The following VWF variants were observed in gnomAD, a reference collection of about 807,000 sequenced individuals.
VWF encodes the protein Factor VIII related antigen.
In VWF, 176 loss-of-function variants were observed where a neutral mutation model predicts 308.6. That is an observed-to-expected ratio of 0.57 (90% confidence interval 0.50 to 0.65). The LOEUF (loss-of-function observed/expected upper bound fraction) is 0.65. VWF is among the 30% of genes least tolerant of loss of function. VWF has a pLI of 0.00. For synonymous variants in VWF, 1,385 were observed against 1,443.4 expected (o/e 0.96, Z 0.92); for missense variants, 3,146 against 3,648.2 (o/e 0.86, Z 3.55).
At chr12:5,985,942 A>C (rs1943675892) in intron 38 of VWF, among the ~76,000 whole-genome samples, 1 of 152,184 alleles carries the variant, frequency 6.6e-6, no homozygotes, top group Admixed American at 6.5e-5. Context: ...AAGAAAGAAA[A>C]ATGAGAGTTC....
chr12:6,009,340 AT>A (rs1943966572), intron 34 of VWF, among the ~76,000 whole-genome samples: 1 of 152,104 alleles, frequency 6.6e-6, no homozygotes, highest in Non-Finnish European at 1.5e-5. Flanking sequence ...ATATGAAAAA[AT>A]ATCCAACATT....
intron 5 of VWF, 50 bp downstream of exon 5, chr12:6,110,324 A>G: frequency 6.3e-7 from 1 of 1,593,340 alleles, no homozygotes; most frequent in Non-Finnish European, 8.6e-7. Flanking sequence ...GAGCAAGGAA[A>G]TAAAAAGCAT....
chr12:6,041,747 G>A (rs1565840816), intron 18 of VWF, among the ~76,000 whole-genome samples: 1 of 152,142 alleles, frequency 6.6e-6, no homozygotes, highest in East Asian at 1.9e-4. Flanking sequence ...GCGCCCAGCT[G>A]AAAATATTTT....
In VWF at chr12:6,075,849, G is replaced by A. The variant is rs1944837021; in HGVS notation, c.658-298C>T. On this transcript the variant is annotated intron_variant, in intron 6 of 51. Transcript: ENST00000261405. This position sits in a 1 kb window ranked among gnomAD's most constrained non-coding sequence, Gnocchi z 4.7. ...GTGTCCTAGGAACGGACAGAGGATG[G>A]AGAGAAGCACAAAGAGCATGCGCCC... 6.6e-6 allele frequency among the ~76,000 whole-genome samples: 1 copy of A among 152,238 alleles called. No individual in the cohort carries two copies.
At chr12:5,993,532 G>A (rs1445424721) in intron 37 of VWF, among the ~76,000 whole-genome samples, 2 of 151,780 alleles carry the variant, frequency 1.3e-5, no homozygotes, top group African/African-American at 2.4e-5. Flanking sequence ...CATTAAAATC[G>A]CATTTGTCTG....
intron 18 of VWF, among the ~76,000 whole-genome samples, chr12:6,040,069 G>A (rs537479485): frequency 4.6e-5 from 7 of 152,250 alleles, no homozygotes; most frequent in South Asian, 2.1e-4. Context: ...GTCTCCTCCC[G>A]TGTGATAGAA....
At chr12:6,064,116 A>G (rs1163853533) in intron 12 of VWF, 130 bp downstream of exon 12, 1 of 1,486,850 alleles carries the variant, frequency 6.7e-7, no homozygotes, top group East Asian at 2.3e-5. Flanking sequence ...GCCCTCCAAA[A>G]ATAACTCTCC....
intron 47 of VWF, among the ~76,000 whole-genome samples, chr12:5,967,175 G>A (rs1186776606): frequency 6.6e-6 from 1 of 152,066 alleles, no homozygotes; most frequent in Non-Finnish European, 1.5e-5. Flanking sequence ...AAAGAACGGT[G>A]GTGCTGTTTC....
At position 5,974,252 on chromosome 12, in the gene VWF, G is replaced by A. The variant is rs188710083; in HGVS notation, c.7437+1859C>T. ...CACCTCACTCAACACAGTACAGATC[G>A]AAGCCCAGCCTCCCACGTCCCCTGA... On this transcript the variant is annotated intron_variant, in intron 43 of 51. Transcript: ENST00000261405. Among the ~76,000 whole-genome samples, 13 of 152,188 alleles carry A rather than the reference G, an allele frequency of 8.5e-5. No homozygotes were observed. The South Asian group carries it at 1.7e-3, about 19-fold the overall frequency.
chr12:6,113,202 C>G (rs1051751199), intron 3 of VWF, among the ~76,000 whole-genome samples: 1 of 151,964 alleles, frequency 6.6e-6, no homozygotes, highest in African/African-American at 2.4e-5. Flanking sequence ...ACAGTTTTTA[C>G]AGCAAGCAAA....
At chr12:6,123,085 T>C (rs1417463094) in intron 2 of VWF, 57 bp downstream of exon 2, 8 of 1,605,622 alleles carry the variant, frequency 5.0e-6, no homozygotes, top group East Asian at 4.5e-5. Context: ...CCCGGAAAGG[T>C]GTCACTCCAG....
intron 34 of VWF, among the ~76,000 whole-genome samples, chr12:6,010,899 T>C (rs1591857385): frequency 1.3e-5 from 2 of 152,234 alleles, no homozygotes; most frequent in East Asian, 3.8e-4. Flanking sequence ...AAAGTAACTA[T>C]AGAATTCTTT....
intron 3 of VWF, among the ~76,000 whole-genome samples, chr12:6,116,184 C>G (rs914630915): frequency 3.9e-5 from 6 of 152,166 alleles, no homozygotes; most frequent in Non-Finnish European, 8.8e-5. Context: ...TTCTATAACT[C>G]TTAGGAAAAG....
At chr12:6,061,870 T>C (rs1318055492) in intron 13 of VWF, among the ~76,000 whole-genome samples, 3 of 152,224 alleles carry the variant, frequency 2.0e-5, no homozygotes, top group South Asian at 2.1e-4. Context: ...TTGCAAAAGA[T>C]TGAATGCAGC....
intron 5 of VWF, among the ~76,000 whole-genome samples, chr12:6,106,279 A>G (rs906561312): frequency 6.6e-6 from 1 of 152,212 alleles, no homozygotes. Context: ...AAATTCTGAC[A>G]TACACCACAA....
intron 6 of VWF, among the ~76,000 whole-genome samples, chr12:6,092,632 T>TGAGAGAGAGAGA (rs1430723950): frequency 4.5e-5 from 3 of 66,014 alleles, no homozygotes; most frequent in Non-Finnish European, 5.7e-5. Context: ...TGTGTGTGTG[T>TGAGAGAGAGAGA]GTGTGTGTGT....
Position 5,967,483 on chromosome 12 carries a change from T to C in VWF, c.7887+3A>G. The C allele has an allele frequency of 1.2e-6, 2 of 1,614,024 alleles. No homozygotes were observed. The highest frequency in any genetic ancestry group is 1.7e-6 in the Non-Finnish European group (2 of 1,179,924). On this transcript the variant is annotated splice_donor_region_variant and intron_variant, in intron 47 of 51. Transcript: ENST00000261405. ...CCCTCGGTCCCCATTGAGCCTCTCT[T>C]ACCAGGGGGCAGGGGTTGCAGGTGG...
At chr12:6,094,935 G>A (rs755384918) in intron 6 of VWF, among the ~76,000 whole-genome samples, 41 of 147,688 alleles carry the variant, frequency 2.8e-4, no homozygotes, top group Non-Finnish European at 1.6e-4. Context: ...CCAGGCTGGA[G>A]TGCTAAGCTC....
chr12:5,999,503 C>CACACACACCA (rs1555193386), intron 34 of VWF, among the ~76,000 whole-genome samples: 3 of 149,298 alleles, frequency 2.0e-5, no homozygotes, highest in Non-Finnish European at 4.5e-5. Flanking sequence ...CACACACACA[C>CACACACACCA]CACTAAGGAA....
Sources: allele counts gnomAD v4.1 joint callset (sites outside exome capture counted in the v4.1 genomes callset), GRCh38; gene constraint gnomAD v4.1.1; non-coding constraint Gnocchi (gnomAD v3.1); transcripts MANE v1.5; gene names NCBI Gene and HGNC (gene_info 2026-07-23, HGNC 2026-07-21).